MCF2: variants seen among roughly 807,000 people sequenced by gnomAD.
MCF2 encodes the protein MCF.2 cell line derived transforming sequence, also known as proto-oncogene DBL.
Under a neutral mutation model 82.5 loss-of-function variants are expected in MCF2, and 44 were observed. The ratio of observed to expected loss-of-function variants is 0.53; its 90% CI spans 0.42 to 0.69. The LOEUF (loss-of-function observed/expected upper bound fraction) is 0.69. MCF2 is among the 30% of genes least tolerant of loss of function. The pLI is 0.00. For synonymous variants in MCF2, 217 were observed against 224.9 expected, an observed-to-expected ratio of 0.96 and a Z score of 0.32; for missense variants, 623 against 663.1, an observed-to-expected ratio of 0.94 and a Z score of 0.66.
intron 18 of MCF2, among the ~76,000 whole-genome samples, chrX:139,597,259 G>A (rs1225770819): frequency 1.8e-5 from 2 of 111,181 alleles, no homozygotes; most frequent in Non-Finnish European, 3.8e-5. Flanking sequence ...AAGACTGTTG[G>A]GGACAAGGGG....
intron 19 of MCF2, among the ~76,000 whole-genome samples, chrX:139,594,059 C>G (rs978110099): frequency 9.0e-5 from 10 of 110,869 alleles, no homozygotes; most frequent in African/African-American, 3.3e-4. Context: ...CAAACCACTG[C>G]TCAATGAAAT....
chrX:139,629,847 G>T lies in MCF2; in HGVS notation c.289-3C>A. ...GTGAGGGCAAAATTTTCTATAGCCT[G>T]CAAAGAGCCGGTGATTACTTTAATT... On this transcript the variant is annotated splice_region_variant and splice_polypyrimidine_tract_variant and intron_variant, in intron 3 of 24. Transcript: ENST00000370576. The T allele has an allele frequency of 1.7e-6, 2 of 1,200,628 alleles. No individual in the cohort carries two copies.
intron 4 of MCF2, among the ~76,000 whole-genome samples, chrX:139,629,217 A>C (rs1932841185): frequency 8.9e-6 from 1 of 112,055 alleles, no homozygotes; most frequent in Admixed American, 9.5e-5. Context: ...AAACCTGTAC[A>C]GCATGTTACT....
intron 12 of MCF2, among the ~76,000 whole-genome samples, chrX:139,606,797 T>C (rs187401367): frequency 3.6e-3 from 407 of 111,528 alleles, no homozygotes; most frequent in Middle Eastern, 0.019. Context: ...TAACTTATAC[T>C]TTTGGCTTTT....
intron 17 of MCF2, 96 bp downstream of exon 21, chrX:139,598,310 A>C: frequency 1.8e-6 from 1 of 557,876 alleles, no homozygotes; most frequent in Non-Finnish European, 2.9e-6. Context: ...GAGCCTACCT[A>C]TTTCTAGTGC....
At position 139,632,305 on chromosome X, in the gene MCF2, G is replaced by A. The variant is rs760356903; in HGVS notation, c.171+30C>T. The A allele has an allele frequency of 6.2e-6, 7 of 1,136,272 alleles. No individual in the cohort carries two copies. In the African/African-American group the frequency reaches 1.1e-4, roughly 18 times the overall value. The allele number at this position is 1,136,272 out of a possible 1,213,427, so 93.6% of individuals were successfully genotyped here. On this transcript the variant is annotated intron_variant, in intron 2 of 24. Coordinates refer to ENST00000370576, the Ensembl canonical transcript of MCF2. ...GTACAGGTCTTCATGAGAATTAGAG[G>A]AACAAAACATTTAAATAATATACTC...
intron 5 of MCF2, 34 bp downstream of exon 8, chrX:139,626,589 A>G: frequency 8.6e-7 from 1 of 1,163,058 alleles, no homozygotes; most frequent in Non-Finnish European, 1.2e-6. Context: ...AAAATATAAA[A>G]TAAGTAACTC....
At chrX:139,615,127 C>T in intron 9 of MCF2, 75 bp from the exon 13 acceptor site, 1 of 728,379 alleles carries the variant, frequency 1.4e-6, no homozygotes, top group East Asian at 3.2e-5. Flanking sequence ...ATTTCTCAGA[C>T]TCAGATGGTC....
intron 1 of MCF2, among the ~76,000 whole-genome samples, chrX:139,659,394 A>G (rs1156635937): frequency 8.9e-6 from 1 of 112,281 alleles, no homozygotes; most frequent in Non-Finnish European, 1.9e-5. Context: ...AACTATACTA[A>G]GTTTATTAGT....
chrX:139,602,407 T>C (rs1569350727), exon 16 of MCF2: 2 of 1,181,303 alleles, frequency 1.7e-6, no homozygotes, highest in African/African-American at 1.7e-5. Flanking sequence ...TTACTGTACC[T>C]GGAAAAATGC....
chrX:139,679,004 G>A (rs1391236101), intron 1 of MCF2, among the ~76,000 whole-genome samples: 3 of 112,322 alleles, frequency 2.7e-5, no homozygotes, highest in African/African-American at 9.7e-5. Flanking sequence ...CTCTAGAGCT[G>A]AAGGGTAAAT....
intron 6 of MCF2, among the ~76,000 whole-genome samples, chrX:139,625,093 A>C (rs1174949012): frequency 9.0e-6 from 1 of 111,262 alleles, no homozygotes; most frequent in African/African-American, 3.3e-5. Flanking sequence ...TCATGTTTCT[A>C]GACATACAGA....
At chrX:139,647,241 G>A (rs1172966518), upstream of MCF2, among the ~76,000 whole-genome samples, 1 of 111,827 alleles carries the variant, frequency 8.9e-6, no homozygotes, top group Admixed American at 9.5e-5. Context: ...CTATACCAAT[G>A]AGCCTAAATT....
intron 13 of MCF2, 107 bp from the exon 18 acceptor site, chrX:139,605,091 G>T: frequency 1.1e-5 from 3 of 275,708 alleles, no homozygotes; most frequent in Non-Finnish European, 2.0e-5. Flanking sequence ...TGATGGTGAA[G>T]TTTTTTGAAT....
intron 23 of MCF2, 38 bp from the exon 28 acceptor site, chrX:139,585,216 G>A (rs774995501): frequency 4.7e-6 from 4 of 858,323 alleles, no homozygotes; most frequent in East Asian, 6.4e-5. Context: ...TTACTTCATG[G>A]TGCTAATTTA....
chrX:139,695,029 T>C (rs1054558002), intron 1 of MCF2, among the ~76,000 whole-genome samples: 1 of 99,283 alleles, frequency 1.0e-5, no homozygotes, highest in Non-Finnish European at 2.1e-5. Flanking sequence ...CTCTGTATTC[T>C]TTCTTTTTTT....
intron 1 of MCF2, among the ~76,000 whole-genome samples, chrX:139,678,296 T>C (rs1395877223): frequency 2.7e-5 from 3 of 112,162 alleles, no homozygotes; most frequent in Non-Finnish European, 5.6e-5. Context: ...CTGGGATATC[T>C]AACAATTTCC....
intron 19 of MCF2, among the ~76,000 whole-genome samples, chrX:139,590,208 A>C (rs1929379394): frequency 9.0e-6 from 1 of 111,559 alleles, no homozygotes. Context: ...AGATCTAATT[A>C]TGTTATAAAT....
chrX:139,661,503 GT>G (rs941193329), intron 1 of MCF2, among the ~76,000 whole-genome samples: 31 of 111,728 alleles, frequency 2.8e-4, no homozygotes, highest in African/African-American at 9.8e-4. Flanking sequence ...TATGACTCAG[GT>G]TTTGTACAAG....
Sources: gnomAD v4.1 joint callset for allele counts (sites outside exome capture counted in the v4.1 genomes callset) on GRCh38, gnomAD v4.1.1 for gene constraint, MANE v1.5 for transcripts, NCBI Gene and HGNC (gene_info 2026-07-23, HGNC 2026-07-21) for gene names.